The following CD109 variants were observed in gnomAD, a reference collection of about 807,000 sequenced individuals.
CD109 encodes CD109 antigen.
In CD109, 149 loss-of-function variants were observed where a neutral mutation model predicts 165.8. The observed-to-expected ratio is 0.90, with a 90% CI of 0.79 to 1.03. CD109 has a LOEUF of 1.03. Among genes scored for constraint, CD109 ranks in the 50% least tolerant of loss-of-function variants. CD109 has a pLI of 0.00. For missense variants in CD109, 1,712 were observed against 1,677.8 expected, an observed-to-expected ratio of 1.02 and a Z score of -0.36; for synonymous variants, 585 against 592.1, an observed-to-expected ratio of 0.99 and a Z score of 0.18.
At chr6:73,799,007 C>T (rs1179813889) in intron 23 of CD109, among the ~76,000 whole-genome samples, 1 of 151,982 alleles carries the variant, frequency 6.6e-6, no homozygotes. Flanking sequence ...TTTCCTTTTC[C>T]TCTTTTTTCT....
At chr6:73,730,230 T>C in intron 3 of CD109, 114 bp from the exon 4 acceptor site, 1 of 686,116 alleles carries the variant, frequency 1.5e-6, no homozygotes, top group Admixed American at 2.9e-5. Flanking sequence ...ATTTTCAACA[T>C]CGCAGTTACT....
At chr6:73,761,661 C>T (rs1209366760) in intron 7 of CD109, among the ~76,000 whole-genome samples, 2 of 151,972 alleles carry the variant, frequency 1.3e-5, no homozygotes, top group Non-Finnish European at 2.9e-5. Flanking sequence ...GCTGGGATTA[C>T]AGGCACCCAC....
At chr6:73,761,420 C>A (rs990144083) in intron 7 of CD109, among the ~76,000 whole-genome samples, 2 of 152,186 alleles carry the variant, frequency 1.3e-5, no homozygotes, top group African/African-American at 2.4e-5. Context: ...TTCAGATGGT[C>A]AGAGGTTGGG....
intron 2 of CD109, among the ~76,000 whole-genome samples, chr6:73,719,901 A>T (rs144506404): frequency 7.9e-5 from 12 of 152,324 alleles, no homozygotes; most frequent in African/African-American, 2.9e-4. Flanking sequence ...ACTTCAATTC[A>T]GTATAGAATA....
At chr6:73,700,569 T>C (rs1219344627) in intron 2 of CD109, among the ~76,000 whole-genome samples, 1 of 152,090 alleles carries the variant, frequency 6.6e-6, no homozygotes, top group African/African-American at 2.4e-5. Flanking sequence ...TCTGGCTCAA[T>C]TTGTGTTGGA....
chr6:73,821,833 C>A (rs1370905623), intron 32 of CD109, among the ~76,000 whole-genome samples: 2 of 152,064 alleles, frequency 1.3e-5, no homozygotes, highest in African/African-American at 4.8e-5. Context: ...ACATAATATA[C>A]CCTTGTAACA....
At chr6:73,702,163 G>T (rs143781556) in intron 2 of CD109, among the ~76,000 whole-genome samples, 4 of 152,050 alleles carry the variant, frequency 2.6e-5, no homozygotes, top group Admixed American at 2.6e-4. Flanking sequence ...AGAGTTAATG[G>T]AGTGTTAACC....
chr6:73,816,499 G>A (rs530480965), intron 30 of CD109, among the ~76,000 whole-genome samples: 20 of 152,172 alleles, frequency 1.3e-4, no homozygotes, highest in Middle Eastern at 3.4e-3. Context: ...ATCCTCCTGC[G>A]TTGGCCTCCC....
chr6:73,759,653 TGTC>T (rs1447647739), intron 7 of CD109, among the ~76,000 whole-genome samples: 2 of 152,244 alleles, frequency 1.3e-5, no homozygotes, highest in African/African-American at 4.8e-5. Flanking sequence ...AAAATTTTTA[TGTC>T]TGAGAGTACT....
At position 73,772,108 on chromosome 6, in the gene CD109, A is replaced by G. The variant is rs563614743; in HGVS notation, c.1827+527A>G. On this transcript the variant is annotated intron_variant, in intron 15 of 32. Coordinates refer to ENST00000287097, the MANE Select transcript of CD109 (RefSeq NM_133493.5). ...ATTTTAAGACACTCAAGAAAGTACT[A>G]GGAAATTGACTTGCATTATTCTGGG... is the stretch of plus-strand genomic sequence containing the variant. Among the ~76,000 whole-genome samples, 117 of 152,320 alleles carry G rather than the reference A, an allele frequency of 7.7e-4. 3 individuals are homozygous for G. In the South Asian group the frequency reaches 0.022, roughly 28 times the overall value.
intron 20 of CD109, among the ~76,000 whole-genome samples, chr6:73,786,375 A>G (rs1774693442): frequency 6.6e-6 from 1 of 152,086 alleles, no homozygotes; most frequent in Non-Finnish European, 1.5e-5. Flanking sequence ...GGCACTTTAT[A>G]TATAATTTTT....
intron 3 of CD109, 117 bp from the exon 4 acceptor site, chr6:73,730,227 A>T (rs1772309504): frequency 1.5e-6 from 1 of 677,750 alleles, no homozygotes; most frequent in East Asian, 2.7e-5. Flanking sequence ...CAAATTTTCA[A>T]CATCGCAGTT....
At chr6:73,706,345 G>T (rs1207266183) in intron 2 of CD109, among the ~76,000 whole-genome samples, 1 of 152,124 alleles carries the variant, frequency 6.6e-6, no homozygotes, top group Non-Finnish European at 1.5e-5. Context: ...GAATACAGGG[G>T]CAGGAAGTCA....
rs777086302 is a variant in CD109 at position 73,768,161 on chromosome 6, A to G, written c.1604A>G (p.Tyr535Cys). The G allele has an allele frequency of 5.0e-6, 8 of 1,601,486 alleles. No homozygotes were observed. The highest frequency in any genetic ancestry group is 4.5e-5 in the East Asian group (2 of 44,732). Residue 535 changes from tyrosine (Y) to cysteine (C), a missense_variant, in exon 14 of 33, where the codon TAT becomes TGT. Physicochemically the swap from Tyr to Cys is radical, Grantham distance 194. Transcript: ENST00000287097. ...WTPKACVIVY[Y>C]IEDDGEIISD... ...CCAAAAGCCTGTGTAATTGTGTATT[A>G]TATTGAAGATGATGGGGAAATTATA...
the CD109 span, among the ~76,000 whole-genome samples, chr6:73,688,930 G>C: frequency 6.6e-6 from 1 of 151,550 alleles, no homozygotes; most frequent in Non-Finnish European, 1.5e-5. Flanking sequence ...CACCACATCT[G>C]GCTAATTTTT....
chr6:73,763,326 T>C (rs1161144602), intron 9 of CD109, among the ~76,000 whole-genome samples: 1 of 152,222 alleles, frequency 6.6e-6, no homozygotes, highest in African/African-American at 2.4e-5. Context: ...TATTCTTTCA[T>C]TGGCCTTAAT....
intron 20 of CD109, among the ~76,000 whole-genome samples, chr6:73,786,176 G>A (rs1004304949): frequency 2.6e-5 from 4 of 152,110 alleles, no homozygotes; most frequent in Non-Finnish European, 4.4e-5. Flanking sequence ...ATATTTTCAA[G>A]GATTCACTAT....
Position 73,696,286 on chromosome 6 carries a change from C to T in CD109, c.71C>T (p.Pro24Leu). ...TGCACCGCCGCGCTGGCCGTGGCTC[C>T]CGGGTAGGAACGTGGGCGCGCGGGG... ...CVCTAALAVA[P>L]GPRFLVTAPG... is the part of the protein sequence containing the mutation. The change falls in exon 1 of 33, where the codon CCC (proline) becomes CTC (leucine). Residue 24 changes from proline to leucine, a missense_variant. By Grantham distance (98) the Pro-to-Leu change is moderately conservative. Coordinates refer to ENST00000287097, the MANE Select transcript of CD109 (RefSeq NM_133493.5). 6.6e-7 allele frequency: 1 copy of T among 1,524,712 alleles called. No individual in the cohort carries two copies. Among genetic ancestry groups the T allele is most frequent in the Non-Finnish European group, 8.8e-7 (1 of 1,141,884 alleles). 94.4% of individuals were successfully genotyped at this position (1,524,712 alleles called of 1,614,324 possible). A position where few individuals can be genotyped will look rare whatever the true frequency, so the allele number is the denominator to read the frequency against.
At chr6:73,759,701 T>A (rs1187115568) in intron 7 of CD109, among the ~76,000 whole-genome samples, 1 of 152,208 alleles carries the variant, frequency 6.6e-6, no homozygotes, top group Non-Finnish European at 1.5e-5. Context: ...ATCCTTTTAC[T>A]ACCATGTGAT....
Sources: gnomAD v4.1 joint callset for allele counts (sites outside exome capture counted in the v4.1 genomes callset) on GRCh38, gnomAD v4.1.1 for gene constraint, MANE v1.5 for transcripts, NCBI Gene and HGNC (gene_info 2026-07-23, HGNC 2026-07-21) for gene names.